ICA1: variants seen among roughly 807,000 people sequenced by gnomAD.
ICA1 encodes the protein 69 kDa islet cell autoantigen.
A neutral mutation model predicts 71.0 loss-of-function variants in ICA1; 40 were observed. The observed-to-expected ratio is 0.56, with a 90% confidence interval of 0.44 to 0.73. ICA1 has a LOEUF of 0.73. Among genes scored for constraint, ICA1 ranks in the 30% least tolerant of loss-of-function variants. The pLI, the probability that ICA1 is intolerant of heterozygous loss-of-function variation, is 0.00. For synonymous variants in ICA1, 207 were observed against 209.5 expected, an observed-to-expected ratio of 0.99 and a Z score of 0.10; for missense variants, 578 against 576.5, an observed-to-expected ratio of 1.00 and a Z score of -0.03.
At chr7:8,247,194 G>C (rs1016806415) in intron 1 of ICA1, among the ~76,000 whole-genome samples, 2 of 151,908 alleles carry the variant, frequency 1.3e-5, no homozygotes, top group African/African-American at 4.8e-5. Context: ...CCTCATGCCT[G>C]TAATCCCAGA....
intron 6 of ICA1, among the ~76,000 whole-genome samples, chr7:8,181,069 G>C (rs1782065424): frequency 6.6e-6 from 1 of 152,072 alleles, no homozygotes; most frequent in Non-Finnish European, 1.5e-5. Flanking sequence ...AGGTCATTGA[G>C]ATATTTACCT....
chr7:8,233,061 G>C (rs1420418799), intron 2 of ICA1, among the ~76,000 whole-genome samples: 1 of 152,204 alleles, frequency 6.6e-6, no homozygotes, highest in Admixed American at 6.5e-5. Context: ...GAGACAGTGA[G>C]ATCAAGCCAG....
chr7:8,207,295 G>A (rs1016908027), intron 6 of ICA1, among the ~76,000 whole-genome samples: 13 of 152,334 alleles, frequency 8.5e-5, no homozygotes, highest in Non-Finnish European at 1.6e-4. Flanking sequence ...ACAGAAGCCT[G>A]ATTAATGCAT....
chr7:8,196,863 T>G (rs1562951935), intron 6 of ICA1, among the ~76,000 whole-genome samples: 1 of 152,206 alleles, frequency 6.6e-6, no homozygotes, highest in South Asian at 2.1e-4. Flanking sequence ...GTAGTGAATA[T>G]ATCTCACGAG....
At chr7:8,182,479 T>C (rs1782503999) in intron 6 of ICA1, among the ~76,000 whole-genome samples, 1 of 152,212 alleles carries the variant, frequency 6.6e-6, no homozygotes, top group Admixed American at 6.5e-5. Flanking sequence ...AGAACAGGAC[T>C]CTTCTTCCCT....
At chr7:8,230,497 T>C (rs1436203214) in intron 3 of ICA1, among the ~76,000 whole-genome samples, 1 of 152,214 alleles carries the variant, frequency 6.6e-6, no homozygotes, top group Non-Finnish European at 1.5e-5. Context: ...AACAGAAACC[T>C]CTATCATGTG....
At chr7:8,122,674 G>A (rs1001706672) in intron 13 of ICA1, among the ~76,000 whole-genome samples, 1 of 152,268 alleles carries the variant, frequency 6.6e-6, no homozygotes, top group African/African-American at 2.4e-5. Flanking sequence ...CAGGAGGTGA[G>A]CACTGCTTGA....
chr7:8,255,292 G>A (rs1436063790), intron 1 of ICA1, among the ~76,000 whole-genome samples: 1 of 152,024 alleles, frequency 6.6e-6, no homozygotes, highest in Non-Finnish European at 1.5e-5. Context: ...TTCACTATGG[G>A]CCCCACTCAA....
intron 1 of ICA1, among the ~76,000 whole-genome samples, chr7:8,245,323 C>T (rs1805554965): frequency 6.7e-6 from 1 of 150,300 alleles, no homozygotes; most frequent in Non-Finnish European, 1.5e-5. Flanking sequence ...GAAATCCAAG[C>T]ACCACATGTT....
intron 6 of ICA1, among the ~76,000 whole-genome samples, chr7:8,198,602 G>A (rs543423931): frequency 1.6e-4 from 24 of 152,288 alleles, no homozygotes; most frequent in South Asian, 4.1e-4. Context: ...CCAGGCGAGC[G>A]TCATAAGGCC....
In ICA1 at chr7:8,257,386, G is replaced by C. The variant is rs111434638; in HGVS notation, c.-80+4708C>G. Among the ~76,000 whole-genome samples the C allele has an allele frequency of 2.9e-3, 448 of 152,310 alleles. 2 individuals carry two copies. The highest frequency in any genetic ancestry group is 0.01 in the African/African-American group (417 of 41,562). ...CTGTTCTGGGAACAGAGATGTGGCA[G>C]TGAGTGTGATCATGATGATGGTAAG... is the stretch of plus-strand genomic sequence containing the variant. On this transcript the variant is annotated intron_variant, in intron 1 of 13. Transcript: ENST00000402384.
At chr7:8,114,319 T>G (rs1193704022) in intron 13 of ICA1, among the ~76,000 whole-genome samples, 2 of 152,142 alleles carry the variant, frequency 1.3e-5, no homozygotes, top group Non-Finnish European at 2.9e-5. Context: ...CCATAGCCCA[T>G]GAAAAGCTGA....
chr7:8,208,608 GAAA>G (rs1344492842), intron 6 of ICA1, among the ~76,000 whole-genome samples: 6 of 152,180 alleles, frequency 3.9e-5, no homozygotes, highest in African/African-American at 1.4e-4. Flanking sequence ...CCAAAAAGAA[GAAA>G]GTAATCTAGA....
chr7:8,212,058 GAAAGTGTCCAAT>G (rs768498272), intron 6 of ICA1, among the ~76,000 whole-genome samples: 2 of 152,126 alleles, frequency 1.3e-5, no homozygotes, highest in Non-Finnish European at 2.9e-5. Flanking sequence ...GCTCCTCTTT[GAAAGTGTCCAAT>G]AAATTCACCC....
At chr7:8,247,613 T>C (rs146477688) in intron 1 of ICA1, among the ~76,000 whole-genome samples, 2,033 of 152,336 alleles carry the variant, frequency 0.013, 13 homozygotes, top group Non-Finnish European at 0.023. Flanking sequence ...GTTTGATTCA[T>C]TGCCACAAAG....
chr7:8,228,483 C>A (rs182208049), intron 4 of ICA1, 118 bp downstream of exon 4: 1 of 528,252 alleles, frequency 1.9e-6, no homozygotes, highest in Non-Finnish European at 3.3e-6. Flanking sequence ...CTCCTCCCAA[C>A]GCCTGAAGAC....
At chr7:8,213,957 C>A (rs1417941402) in intron 6 of ICA1, among the ~76,000 whole-genome samples, 1 of 152,206 alleles carries the variant, frequency 6.6e-6, no homozygotes, top group Non-Finnish European at 1.5e-5. Flanking sequence ...CCTATAATAC[C>A]TTTTAGCTAT....
chr7:8,190,276 G>A (rs898643681), intron 6 of ICA1, among the ~76,000 whole-genome samples: 2 of 151,890 alleles, frequency 1.3e-5, no homozygotes, highest in African/African-American at 4.8e-5. Context: ...CTCTCCGAGT[G>A]GGCTGAAACC....
At chr7:8,203,597 A>G (rs1258266396) in intron 6 of ICA1, among the ~76,000 whole-genome samples, 6 of 152,184 alleles carry the variant, frequency 3.9e-5, no homozygotes, top group Admixed American at 1.3e-4. Context: ...CCTTAGGTAG[A>G]AGCCAGGATT....
Sources: allele counts gnomAD v4.1 joint callset (sites outside exome capture counted in the v4.1 genomes callset), GRCh38; gene constraint gnomAD v4.1.1; transcripts MANE v1.5; gene names NCBI Gene and HGNC (gene_info 2026-07-23, HGNC 2026-07-21).